DCC: variants seen among roughly 807,000 people sequenced by gnomAD.
DCC encodes DCC netrin 1 receptor.
DCC carries 58 observed loss-of-function variants against 172.5 expected under a neutral mutation model. The ratio of observed to expected loss-of-function variants is 0.34; its 90% CI spans 0.27 to 0.42. The LOEUF (loss-of-function observed/expected upper bound fraction) is 0.42, where lower values mean the gene tolerates loss of function less well. Among genes scored for constraint, DCC ranks in the 10% least tolerant of loss-of-function variants. DCC has a pLI of 1.00. For synonymous variants in DCC, 709 were observed against 644.5 expected (o/e 1.10, Z -1.52); for missense variants, 1,740 against 1,791.0 (o/e 0.97, Z 0.51).
At chr18:53,074,647 C>T (rs1427066255) in intron 7 of DCC, among the ~76,000 whole-genome samples, 1 of 151,950 alleles carries the variant, frequency 6.6e-6, no homozygotes, top group Non-Finnish European at 1.5e-5. Context: ...AGTCTCCCTC[C>T]CGTTAGAGAA....
intron 7 of DCC, among the ~76,000 whole-genome samples, chr18:53,126,589 G>T (rs2043560874): frequency 6.6e-6 from 1 of 152,106 alleles, no homozygotes; most frequent in African/African-American, 2.4e-5. Context: ...GTTGGTCATT[G>T]ATTTTCTTAT....
At chr18:53,049,636 C>G (rs1187998261) in intron 5 of DCC, among the ~76,000 whole-genome samples, 2 of 152,000 alleles carry the variant, frequency 1.3e-5, no homozygotes, top group East Asian at 3.9e-4. Flanking sequence ...CAGCTTCGTT[C>G]TTTCTGCTTA....
chr18:52,987,573 A>T (rs534784558), intron 5 of DCC, among the ~76,000 whole-genome samples: 1 of 152,174 alleles, frequency 6.6e-6, no homozygotes, highest in Non-Finnish European at 1.5e-5. Context: ...TATATAGGTT[A>T]TCTCATTATA....
At chr18:53,260,922 C>T (rs2056589730) in intron 12 of DCC, among the ~76,000 whole-genome samples, 1 of 152,124 alleles carries the variant, frequency 6.6e-6, no homozygotes, top group African/African-American at 2.4e-5. Context: ...CTCCCCCAGC[C>T]TCGCTGCCAC....
chr18:52,872,236 G>T (rs1463218587), intron 2 of DCC, among the ~76,000 whole-genome samples: 2 of 152,174 alleles, frequency 1.3e-5, no homozygotes, highest in Non-Finnish European at 2.9e-5. Flanking sequence ...ACAGGTTATG[G>T]GAGGGGAAGA....
chr18:52,892,030 G>T (rs544718581), intron 2 of DCC, among the ~76,000 whole-genome samples: 1 of 152,064 alleles, frequency 6.6e-6, no homozygotes, highest in Non-Finnish European at 1.5e-5. Context: ...CTAAAGTGGT[G>T]GATGACATCT....
intron 22 of DCC, among the ~76,000 whole-genome samples, chr18:53,437,305 G>A (rs779782306): frequency 3.9e-5 from 6 of 152,160 alleles, no homozygotes; most frequent in Non-Finnish European, 5.9e-5. Context: ...ACAGGGCTGG[G>A]TGTGGTGGCT....
rs1030559204 is a variant in DCC, at chr18:52,629,602, G to A, written c.92-122452G>A. On this transcript the variant is annotated intron_variant, in intron 1 of 28. Coordinates refer to ENST00000442544, the MANE Select transcript of DCC (RefSeq NM_005215.4). ...GGCTGAAGCGGGTAGATCACCTGAG[G>A]TCAGGAGTTTGAGACCAGCCTGCCC... 1.8e-4 allele frequency among the ~76,000 whole-genome samples: 28 copies of A among 152,190 alleles called. 1 individual carries two copies. Among genetic ancestry groups the A allele is most frequent in the Admixed American group, 1.7e-3 (26 of 15,294 alleles).
intron 9 of DCC, among the ~76,000 whole-genome samples, chr18:53,192,173 AT>A (rs1248686576): frequency 6.6e-6 from 1 of 152,206 alleles, no homozygotes; most frequent in Non-Finnish European, 1.5e-5. Flanking sequence ...CAATCTTTCC[AT>A]TGCATGCATG....
At chr18:52,948,938 T>A (rs73458996) in intron 5 of DCC, among the ~76,000 whole-genome samples, 1 of 152,180 alleles carries the variant, frequency 6.6e-6, no homozygotes, top group Admixed American at 6.5e-5. Context: ...CCCAGATCAG[T>A]GCAACTCTAG....
chr18:53,466,524 C>A (rs1284658017), intron 24 of DCC, among the ~76,000 whole-genome samples: 1 of 152,068 alleles, frequency 6.6e-6, no homozygotes, highest in Non-Finnish European at 1.5e-5. Context: ...TTGCATAGTT[C>A]ATTTTTACTT....
intron 7 of DCC, among the ~76,000 whole-genome samples, chr18:53,125,767 G>A (rs1385482149): frequency 1.3e-5 from 2 of 152,124 alleles, no homozygotes; most frequent in African/African-American, 2.4e-5. Flanking sequence ...TGTACACACA[G>A]ACACAGTGCT....
At chr18:53,193,529 G>T (rs183264144) in intron 9 of DCC, among the ~76,000 whole-genome samples, 8 of 152,066 alleles carry the variant, frequency 5.3e-5, no homozygotes, top group Non-Finnish European at 1.0e-4. Flanking sequence ...ACATTAAATA[G>T]CTTGATCCTA....
chr18:53,201,481 C>T (rs1005548389), intron 9 of DCC, among the ~76,000 whole-genome samples: 2 of 152,162 alleles, frequency 1.3e-5, no homozygotes, highest in Non-Finnish European at 2.9e-5. Context: ...CCTTTCTCTG[C>T]CTTCTGTAGA....
chr18:52,959,212 CAG>C (rs1177626170), intron 5 of DCC, among the ~76,000 whole-genome samples: 1 of 152,188 alleles, frequency 6.6e-6, no homozygotes, highest in East Asian at 1.9e-4. Context: ...AGAGTAAAAA[CAG>C]AGTTTTAAAT....
intron 5 of DCC, among the ~76,000 whole-genome samples, chr18:52,972,132 G>A (rs781034871): frequency 9.2e-5 from 14 of 152,154 alleles, no homozygotes; most frequent in Non-Finnish European, 2.1e-4. Flanking sequence ...ACCTCCACTG[G>A]TCAAATATCC....
chr18:53,041,074 A>G (rs1599057706), intron 5 of DCC, among the ~76,000 whole-genome samples: 1 of 151,902 alleles, frequency 6.6e-6, no homozygotes, highest in Non-Finnish European at 1.5e-5. Flanking sequence ...TTTTGTTGCA[A>G]TTGCTTTTGG....
chr18:53,281,380 G>A (rs918558564), intron 12 of DCC, among the ~76,000 whole-genome samples: 2 of 152,016 alleles, frequency 1.3e-5, no homozygotes, highest in African/African-American at 4.8e-5. Flanking sequence ...ACTATATAAG[G>A]TCAACACACA....
chr18:52,908,075 A>G (rs568637251), intron 3 of DCC, among the ~76,000 whole-genome samples: 1 of 152,308 alleles, frequency 6.6e-6, no homozygotes, highest in East Asian at 1.9e-4. Context: ...CACACACTGG[A>G]GAAATTGGAA....
Sources: allele counts gnomAD v4.1 joint callset (sites outside exome capture counted in the v4.1 genomes callset), GRCh38; gene constraint gnomAD v4.1.1; transcripts MANE v1.5; gene names NCBI Gene and HGNC (gene_info 2026-07-23, HGNC 2026-07-21).